The following DIPK1B variants were observed in gnomAD, a reference collection of about 807,000 sequenced individuals.
DIPK1B encodes the protein family with sequence similarity 69 member B.
Under a neutral mutation model 20.7 loss-of-function variants are expected in DIPK1B, and 17 were observed. The observed-to-expected ratio is 0.82, with a 90% CI of 0.56 to 1.23. The LOEUF (loss-of-function observed/expected upper bound fraction) is 1.23. Among genes scored for constraint, DIPK1B ranks in the 50% most tolerant of loss-of-function variants. DIPK1B has a pLI of 0.00. For synonymous variants in DIPK1B, 343 were observed against 276.5 expected, an observed-to-expected ratio of 1.24 and a Z score of -2.39; for missense variants, 648 against 601.8, an observed-to-expected ratio of 1.08 and a Z score of -0.80.
In DIPK1B at chr9:136,724,077, G is replaced by T; in HGVS notation, c.*303G>T. The T allele has an allele frequency of 2.6e-6, 1 of 378,990 alleles. No homozygotes were observed. The highest frequency in any genetic ancestry group is 2.5e-5 in the South Asian group (1 of 40,270). The allele number at this position is 378,990 out of a possible 1,614,324, so 23.5% of individuals were successfully genotyped here. ...CACCCTGAGCCCCCATCGATGCTGT[G>T]TGTGGGACCCTTCGCCCCGCTGTGG... On this transcript the variant is annotated 3_prime_UTR_variant, in exon 5 of 5. Coordinates refer to ENST00000371692, the MANE Select transcript of DIPK1B (RefSeq NM_152421.4).
At chr9:136,720,237 CCG>C (rs1379010523) in intron 2 of DIPK1B, among the ~76,000 whole-genome samples, 3 of 151,932 alleles carry the variant, frequency 2.0e-5, no homozygotes, top group Non-Finnish European at 4.4e-5. Flanking sequence ...TGACGAAGAG[CCG>C]GCGTTTTCTT....
intron 2 of DIPK1B, among the ~76,000 whole-genome samples, chr9:136,719,211 G>A (rs1216939068): frequency 2.0e-5 from 3 of 152,134 alleles, no homozygotes; most frequent in Non-Finnish European, 4.4e-5. Context: ...AGCACCTACT[G>A]GGTGCCGGGC....
In DIPK1B at chr9:136,722,256, C is replaced by T. The variant is rs746466501; in HGVS notation, c.438C>T (p.Gly146=). 6.2e-6 allele frequency: 10 copies of T among 1,613,832 alleles called. No homozygotes were observed. The highest frequency in any genetic ancestry group is 7.6e-6 in the Non-Finnish European group (9 of 1,179,948). ...ELVLFDKPTR[G]TSIKEFREMT... is the part of the protein sequence containing the mutation. ...TACTGTTTGACAAGCCCACCCGGGG[C>T]ACCTCCATCAAGGAATTCCGGGAGA... Residue 146 remains glycine, a synonymous_variant, in exon 4 of 5, where the codon GGC becomes GGT. Transcript: ENST00000371692.
At chr9:136,720,679 G>A (rs112120840) in intron 2 of DIPK1B, among the ~76,000 whole-genome samples, 67 of 152,328 alleles carry the variant, frequency 4.4e-4, no homozygotes, top group African/African-American at 1.4e-3. Context: ...CAGGCCCGGA[G>A]TCATTGTGGG....
chr9:136,721,949 C>T lies in DIPK1B; in HGVS notation c.227C>T (p.Ser76Leu), dbSNP rs761001114. Residue 76 changes from serine to leucine, a missense_variant, in exon 3 of 5, where the codon TCG (serine) becomes TTG (leucine). By Grantham distance (145) the Ser-to-Leu change is moderately radical (BLOSUM62 -2). Transcript: ENST00000371692. Reference sequence around the variant, plus strand: ...GACCAGTACCGCAAGGGGATCATCTCGGGCTCCGTCTGCCAGGACCTGTGT... The same window carrying T: ...GACCAGTACCGCAAGGGGATCATCTTGGGCTCCGTCTGCCAGGACCTGTGT... ...ICDQYRKGII[S>L]GSVCQDLCEL... 1.3e-5 allele frequency: 21 copies of T among 1,613,574 alleles called. No homozygotes were observed. The highest frequency in any genetic ancestry group is 2.2e-5 in the South Asian group (2 of 91,056).
chr9:136,721,531 G>A (rs931668495), intron 2 of DIPK1B: 2 of 219,230 alleles, frequency 9.1e-6, no homozygotes, highest in Non-Finnish European at 1.8e-5. Context: ...CTAGTTCACC[G>A]GCCAATGCCT....
Position 136,723,311 on chromosome 9 carries a change from T to C in DIPK1B, c.833T>C (p.Leu278Pro), listed in dbSNP as rs1208400017. The C allele has an allele frequency of 1.2e-6, 2 of 1,612,842 alleles. No individual in the cohort carries two copies. The highest frequency in any genetic ancestry group is 1.3e-5 in the African/African-American group (1 of 74,926). The change falls in exon 5 of 5, where the codon CTG becomes CCG. Residue 278 changes from leucine (L) to proline (P), a missense_variant. Physicochemically the swap from Leu to Pro is moderately conservative, Grantham distance 98. Coordinates refer to ENST00000371692, the MANE Select transcript of DIPK1B (RefSeq NM_152421.4). ...TGGCGGGCCAAGATCGCCATCGGCC[T>C]GCTGGAGTTCGTGGAGGAGCTCTTC... ...WPWRAKIAIG[L>P]LEFVEELFHG...
At chr9:136,721,383 C>T (rs777940520) in intron 2 of DIPK1B, 1 of 155,112 alleles carries the variant, frequency 6.4e-6, no homozygotes, top group Non-Finnish European at 1.4e-5. Context: ...GTCTCACTTA[C>T]TATTCCGGGC....
At chr9:136,714,717 A>G (rs1846472942) in intron 1 of DIPK1B, among the ~76,000 whole-genome samples, 1 of 152,186 alleles carries the variant, frequency 6.6e-6, no homozygotes, top group African/African-American at 2.4e-5. Flanking sequence ...GCGGAGACCA[A>G]CCTGGGCCTG....
At chr9:136,722,555 G>C (rs549419756) in intron 4 of DIPK1B, 1 of 583,770 alleles carries the variant, frequency 1.7e-6, no homozygotes, top group Non-Finnish European at 3.0e-6. Flanking sequence ...GTCAAGGGCC[G>C]TGTGTCCAGC....
At chr9:136,715,460 C>T (rs1172913475) in intron 1 of DIPK1B, among the ~76,000 whole-genome samples, 1 of 152,128 alleles carries the variant, frequency 6.6e-6, no homozygotes, top group Non-Finnish European at 1.5e-5. Flanking sequence ...TCCCTAAAAG[C>T]CGGCTCCCAG....
Position 136,712,645 on chromosome 9 carries a change from C to G in DIPK1B, c.-21C>G, listed in dbSNP as rs1846440767. On this transcript the variant is annotated 5_prime_UTR_variant, in exon 1 of 5. Coordinates refer to ENST00000371692, the MANE Select transcript of DIPK1B (RefSeq NM_152421.4). This position sits in a 1 kb window ranked among gnomAD's most constrained non-coding sequence, Gnocchi z 5.6. ...GGCCGAGCGAGCCGCGGGGCCCGCG[C>G]AGCCCCGGCCGGAGCCCACCATGCG... 2.5e-6 allele frequency: 3 copies of G among 1,181,880 alleles called. No homozygotes were observed. Among genetic ancestry groups the G allele is most frequent in the Non-Finnish European group, 3.1e-6 (3 of 955,320 alleles). 73.2% of individuals were successfully genotyped at this position (1,181,880 alleles called of 1,614,324 possible).
chr9:136,713,420 C>G (rs1846453600), intron 1 of DIPK1B, among the ~76,000 whole-genome samples: 1 of 152,226 alleles, frequency 6.6e-6, no homozygotes, highest in South Asian at 2.1e-4. Flanking sequence ...CTCCCCGGCC[C>G]CCGCAGGGTG....
rs772305344 is a variant in DIPK1B, at chr9:136,721,934, G to C, written c.212G>C (p.Arg71Pro). The C allele has an allele frequency of 6.2e-7, 1 of 1,613,386 alleles. No homozygotes were observed. The highest frequency in any genetic ancestry group is 1.1e-5 in the South Asian group (1 of 91,068). ...CTGTCTCCTCAGTGTGACCAGTACC[G>C]CAAGGGGATCATCTCGGGCTCCGTC... Reference protein sequence around the residue: ...VCQVVICDQYRKGIISGSVCQ... With the variant: ...VCQVVICDQYPKGIISGSVCQ... Residue 71 changes from arginine (R) to proline (P), a missense_variant, in exon 3 of 5, where the codon CGC becomes CCC. Coordinates refer to ENST00000371692, the MANE Select transcript of DIPK1B (RefSeq NM_152421.4).
chr9:136,722,928 C>T lies in DIPK1B; in HGVS notation c.484-34C>T, dbSNP rs753009251. ...GTCGTGCTCCCAGACATCAAATCAG[C>T]TGGCTTTTCCTTTCTTTTGGTCCCA... On this transcript the variant is annotated intron_variant, in intron 4 of 4. Transcript: ENST00000371692. 6 of 1,563,216 alleles carry T rather than the reference C, an allele frequency of 3.8e-6. No individual in the cohort carries two copies. The African/African-American group carries it at 5.4e-5, about 14-fold the overall frequency.
intron 2 of DIPK1B, among the ~76,000 whole-genome samples, chr9:136,720,435 C>A (rs1441002306): frequency 6.6e-6 from 1 of 152,134 alleles, no homozygotes; most frequent in Non-Finnish European, 1.5e-5. Context: ...CTTGGCCAGG[C>A]TCCATGGCAA....
chr9:136,723,358 T>C lies in DIPK1B; in HGVS notation c.880T>C (p.Tyr294His). 4 of 1,613,384 alleles carry C rather than the reference T, an allele frequency of 2.5e-6. No homozygotes were observed. Among genetic ancestry groups the C allele is most frequent in the Non-Finnish European group, 3.4e-6 (4 of 1,179,846 alleles). ...CTTCCACGGCTCTTACGGGACTTTC[T>C]ACATGTGTGAGACCACACTGGCCAA... The part of the protein sequence containing the change: ...ELFHGSYGTF[Y>H]MCETTLANVG... Residue 294 changes from tyrosine to histidine, a missense_variant, in exon 5 of 5, where the codon TAC (tyrosine) becomes CAC (histidine). Transcript: ENST00000371692.
intron 2 of DIPK1B, among the ~76,000 whole-genome samples, chr9:136,720,393 G>A (rs1285123278): frequency 3.3e-5 from 5 of 152,192 alleles, no homozygotes; most frequent in Admixed American, 6.5e-5. Flanking sequence ...GGGGTGTTCC[G>A]CAGCTCCCTT....
At chr9:136,717,834 T>G in intron 2 of DIPK1B, 123 bp downstream of exon 2, 1 of 1,450,168 alleles carries the variant, frequency 6.9e-7, no homozygotes, top group Admixed American at 2.0e-5. Flanking sequence ...CGTGGGTTTC[T>G]AGGTGGAATC....
Sources: gnomAD v4.1 joint callset for allele counts (sites outside exome capture counted in the v4.1 genomes callset) on GRCh38, gnomAD v4.1.1 for gene constraint, Gnocchi (gnomAD v3.1) non-coding constraint, MANE v1.5 for transcripts, NCBI Gene and HGNC (gene_info 2026-07-23, HGNC 2026-07-21) for gene names.